Variants in KIZ observed in about 807,000 individuals in gnomAD.
KIZ encodes the protein centrosomal protein kizuna.
A neutral mutation model predicts 79.6 loss-of-function variants in KIZ; 68 were observed. The ratio of observed to expected loss-of-function variants is 0.85; its 90% CI spans 0.70 to 1.05. The LOEUF (loss-of-function observed/expected upper bound fraction) is 1.05. KIZ is among the 50% of genes least tolerant of loss of function. KIZ has a pLI of 0.00. For synonymous variants in KIZ, 280 were observed against 281.8 expected (o/e 0.99, Z 0.06); for missense variants, 797 against 800.4 (o/e 1.00, Z 0.05).
chr20:21,135,897 AT>A (rs1292473820), intron 2 of KIZ, among the ~76,000 whole-genome samples: 2 of 152,186 alleles, frequency 1.3e-5, no homozygotes, highest in African/African-American at 4.8e-5. Flanking sequence ...TCTAACAAGT[AT>A]GTTTATATTA....
At chr20:21,227,761 G>A (rs1047160602) in intron 9 of KIZ, among the ~76,000 whole-genome samples, 4 of 152,156 alleles carry the variant, frequency 2.6e-5, no homozygotes, top group Admixed American at 6.5e-5. Context: ...TCGTCCCAGC[G>A]ACCCCCACAC....
intron 3 of KIZ, among the ~76,000 whole-genome samples, chr20:21,142,883 T>C (rs1275122385): frequency 1.3e-5 from 2 of 152,178 alleles, no homozygotes; most frequent in Non-Finnish European, 2.9e-5. Context: ...AAGGGGCTAA[T>C]ATTTGAGAAC....
intron 6 of KIZ, among the ~76,000 whole-genome samples, chr20:21,165,296 G>GCTCC (rs2033878596): frequency 6.6e-6 from 1 of 152,138 alleles, no homozygotes; most frequent in Non-Finnish European, 1.5e-5. Flanking sequence ...AGAAAGAGGA[G>GCTCC]GGAAAGAGCA....
At chr20:21,184,264 C>T (rs1246029240) in intron 6 of KIZ, among the ~76,000 whole-genome samples, 1 of 151,862 alleles carries the variant, frequency 6.6e-6, no homozygotes, top group Non-Finnish European at 1.5e-5. Context: ...TCTCCTGCCT[C>T]AGCCTCCCAA....
chr20:21,244,106 CTTTTA>C (rs1256052586), intron 11 of KIZ, 134 bp from the exon 12 acceptor site: 1 of 691,712 alleles, frequency 1.4e-6, no homozygotes, highest in Non-Finnish European at 2.6e-6. Flanking sequence ...TTTCCCTTTA[CTTTTA>C]AACTCTGGGA....
At chr20:21,128,098 C>T (rs1315010543) in intron 1 of KIZ, among the ~76,000 whole-genome samples, 2 of 152,144 alleles carry the variant, frequency 1.3e-5, no homozygotes, top group African/African-American at 4.8e-5. Flanking sequence ...CTGCAACCCC[C>T]ACCTCCCAGG....
intron 11 of KIZ, among the ~76,000 whole-genome samples, chr20:21,237,807 C>T (rs529238612): frequency 1.9e-3 from 282 of 152,264 alleles, no homozygotes; most frequent in Middle Eastern, 6.8e-3. Context: ...ACCCTCCCTC[C>T]CGCAGTGGGG....
chr20:21,135,302 T>G (rs1012004929), intron 2 of KIZ, among the ~76,000 whole-genome samples: 2 of 152,188 alleles, frequency 1.3e-5, no homozygotes, highest in African/African-American at 4.8e-5. Flanking sequence ...CAGCAGCAGC[T>G]TTACTGAGTG....
At chr20:21,207,899 G>C (rs1488361054) in intron 7 of KIZ, among the ~76,000 whole-genome samples, 1 of 152,016 alleles carries the variant, frequency 6.6e-6, no homozygotes, top group Non-Finnish European at 1.5e-5. Flanking sequence ...TTTTAGTAGA[G>C]ACAGGGTTTC....
chr20:21,205,408 A>G, intron 6 of KIZ, 83 bp from the exon 7 acceptor site: 1 of 584,848 alleles, frequency 1.7e-6, no homozygotes, highest in South Asian at 2.5e-5. Context: ...ACCATCTTCT[A>G]CTAACGTAAT....
intron 7 of KIZ, among the ~76,000 whole-genome samples, chr20:21,211,186 A>C (rs964608848): frequency 2.0e-5 from 3 of 152,228 alleles, no homozygotes; most frequent in Admixed American, 2.0e-4. Context: ...AGCAAGATTA[A>C]TATTTAAACT....
chr20:21,167,354 A>G (rs1049971996), intron 6 of KIZ, among the ~76,000 whole-genome samples: 5 of 152,200 alleles, frequency 3.3e-5, no homozygotes, highest in Non-Finnish European at 7.3e-5. Context: ...ACATGGTAAC[A>G]AAGTAGCTGA....
intron 4 of KIZ, among the ~76,000 whole-genome samples, chr20:21,150,567 C>G (rs2033070011): frequency 6.6e-6 from 1 of 152,234 alleles, no homozygotes; most frequent in Non-Finnish European, 1.5e-5. Context: ...TCTCTGTGTT[C>G]AGCTGGACCT....
intron 7 of KIZ, among the ~76,000 whole-genome samples, chr20:21,208,884 T>TA (rs1219130580): frequency 6.6e-6 from 1 of 152,204 alleles, no homozygotes; most frequent in Non-Finnish European, 1.5e-5. Flanking sequence ...CTTTTCCGAT[T>TA]AGTGAAATCA....
chr20:21,170,440 G>A (rs2034152366), intron 6 of KIZ, among the ~76,000 whole-genome samples: 1 of 149,514 alleles, frequency 6.7e-6, no homozygotes, highest in Non-Finnish European at 1.5e-5. Flanking sequence ...CCAGGCTGGA[G>A]TGCAGTGGCA....
At chr20:21,212,456 G>A (rs6075777) in intron 7 of KIZ, among the ~76,000 whole-genome samples, 4,047 of 152,318 alleles carry the variant, frequency 0.027, 84 homozygotes, top group Middle Eastern at 0.12. Context: ...TTATAAAATA[G>A]GCTTAGTGTT....
chr20:21,207,566 C>T (rs961551554), intron 7 of KIZ, among the ~76,000 whole-genome samples: 2 of 149,184 alleles, frequency 1.3e-5, no homozygotes, highest in Non-Finnish European at 3.0e-5. Flanking sequence ...AAACTTCCTT[C>T]CCTCCCCCCT....
At position 21,166,145 on chromosome 20, in the gene KIZ, T is replaced by C. The variant is rs540111548; in HGVS notation, c.1352+2986T>C. The C allele has an allele frequency of 4.6e-4, 438 of 958,448 alleles. 5 individuals carry two copies. In the East Asian group the frequency reaches 9.6e-3, roughly 21 times the overall value. The allele number at this position is 958,448 out of a possible 1,614,324, so 59.4% of individuals were successfully genotyped here. A position where few individuals can be genotyped will look rare whatever the true frequency, so the allele number is the denominator to read the frequency against. ...CCATGCTTGGCTAATTTTTGTATTT[T>C]GTATTTTTTTTTTTTTTTTGTCCAT... On this transcript the variant is annotated intron_variant, in intron 6 of 12. Coordinates refer to ENST00000619189, the MANE Select transcript of KIZ (RefSeq NM_018474.6).
At chr20:21,156,930 T>C (rs139257676) in intron 4 of KIZ, among the ~76,000 whole-genome samples, 2 of 152,292 alleles carry the variant, frequency 1.3e-5, no homozygotes, top group Non-Finnish European at 2.9e-5. Flanking sequence ...GAGTGTTTTG[T>C]ATTATTTTTG....
Sources: allele counts gnomAD v4.1 joint callset (sites outside exome capture counted in the v4.1 genomes callset), GRCh38; gene constraint gnomAD v4.1.1; transcripts MANE v1.5; gene names NCBI Gene and HGNC (gene_info 2026-07-23, HGNC 2026-07-21).